Variants in IGF1R observed in about 807,000 individuals in gnomAD.
IGF1R encodes insulin-like growth factor 1 receptor.
A neutral mutation model predicts 144.6 loss-of-function variants in IGF1R; 44 were observed. That is an observed-to-expected ratio of 0.30 (90% CI 0.24 to 0.39). The LOEUF (loss-of-function observed/expected upper bound fraction) is 0.39, where lower values mean the gene tolerates loss of function less well. IGF1R is among the 10% of genes least tolerant of loss of function. The probability of loss-of-function intolerance (pLI) is 1.00; values close to 1 mark genes in which losing one functional copy is unlikely to be tolerated. For missense variants in IGF1R, 1,355 were observed against 1,833.7 expected (o/e 0.74, Z 4.77); for synonymous variants, 795 against 722.8 (o/e 1.10, Z -1.60).
At chr15:98,947,386 G>T (rs781117459) in intron 19 of IGF1R, among the ~76,000 whole-genome samples, 2 of 152,212 alleles carry the variant, frequency 1.3e-5, no homozygotes, top group East Asian at 3.8e-4. Context: ...AGAGCTCTTG[G>T]TTGGAAATCT....
chr15:98,721,065 T>C (rs939955337), intron 2 of IGF1R, among the ~76,000 whole-genome samples: 1 of 152,200 alleles, frequency 6.6e-6, no homozygotes, highest in African/African-American at 2.4e-5. Flanking sequence ...TTTCGGCATC[T>C]GGGTTTGGTG....
intron 2 of IGF1R, among the ~76,000 whole-genome samples, chr15:98,721,799 T>G (rs752386427): frequency 3.3e-5 from 5 of 152,016 alleles, no homozygotes; most frequent in Non-Finnish European, 7.4e-5. Context: ...CAGTAGAGTG[T>G]GAGAGTAAGT....
chr15:98,888,133 A>G (rs1199939264), intron 2 of IGF1R, among the ~76,000 whole-genome samples: 2 of 152,234 alleles, frequency 1.3e-5, no homozygotes, highest in South Asian at 4.1e-4. Context: ...CCAGAAGCCC[A>G]GGAAACACCA....
chr15:98,957,674 T>C lies in IGF1R; in HGVS notation c.*232T>C, dbSNP rs988271453. The C allele has an allele frequency of 1.8e-5, 11 of 597,548 alleles. No individual in the cohort carries two copies. The African/African-American group carries it at 2.0e-4, about 11-fold the overall frequency. 37.0% of individuals were successfully genotyped at this position (597,548 alleles called of 1,614,324 possible). On this transcript the variant is annotated 3_prime_UTR_variant, in exon 21 of 21. Transcript: ENST00000650285. ...TCCCTGCCCAAACCCTTAACTGACA[T>C]GGGCCTTTAAGAACCTTAATGACAA... is the stretch of plus-strand genomic sequence containing the variant.
At chr15:98,921,332 AC>A (rs2015476404) in intron 10 of IGF1R, among the ~76,000 whole-genome samples, 1 of 152,024 alleles carries the variant, frequency 6.6e-6, no homozygotes, top group Non-Finnish European at 1.5e-5. Flanking sequence ...AGAGGGTCGC[AC>A]CCTCATGCCT....
chr15:98,789,815 G>C (rs1463943842), intron 2 of IGF1R, among the ~76,000 whole-genome samples: 1 of 152,150 alleles, frequency 6.6e-6, no homozygotes, highest in Non-Finnish European at 1.5e-5. Flanking sequence ...CTCAGCTTTG[G>C]GGGCGAGTTA....
chr15:98,666,701 C>T (rs968668352), intron 1 of IGF1R, among the ~76,000 whole-genome samples: 5 of 151,584 alleles, frequency 3.3e-5, no homozygotes, highest in South Asian at 2.1e-4. Context: ...TTCATAGAGA[C>T]GGAAAGTAGA....
At chr15:98,671,843 C>G (rs1423253501) in intron 1 of IGF1R, among the ~76,000 whole-genome samples, 1 of 152,308 alleles carries the variant, frequency 6.6e-6, no homozygotes, top group East Asian at 1.9e-4. Flanking sequence ...TACTATTGAG[C>G]TCTGAAAAAC....
intron 2 of IGF1R, among the ~76,000 whole-genome samples, chr15:98,879,514 C>T (rs1398182224): frequency 6.6e-6 from 1 of 152,184 alleles, no homozygotes; most frequent in South Asian, 2.1e-4. Context: ...AGGGGAGGCA[C>T]ACGGGGGTGA....
intron 2 of IGF1R, among the ~76,000 whole-genome samples, chr15:98,821,888 T>C (rs2056809849): frequency 6.6e-6 from 1 of 152,220 alleles, no homozygotes; most frequent in Non-Finnish European, 1.5e-5. Context: ...CAGGCACATG[T>C]ATATTCATGA....
At chr15:98,680,501 C>T (rs1257565366) in intron 1 of IGF1R, among the ~76,000 whole-genome samples, 1 of 151,996 alleles carries the variant, frequency 6.6e-6, no homozygotes, top group African/African-American at 2.4e-5. Flanking sequence ...CTCCTGACCT[C>T]GTGATCCACC....
chr15:98,650,749 T>G, intron 1 of IGF1R: 2 of 307,450 alleles, frequency 6.5e-6, no homozygotes, highest in Non-Finnish European at 9.5e-6. Flanking sequence ...CTGGCCTTGG[T>G]TTTGTTGTGG....
chr15:98,787,247 G>A (rs1040764188), intron 2 of IGF1R, among the ~76,000 whole-genome samples: 7 of 152,158 alleles, frequency 4.6e-5, no homozygotes, highest in Admixed American at 2.0e-4. Context: ...GGCCTGCAGA[G>A]CAGAATAAAG....
At chr15:98,674,724 A>G (rs1391519894) in intron 1 of IGF1R, among the ~76,000 whole-genome samples, 4 of 152,206 alleles carry the variant, frequency 2.6e-5, no homozygotes, top group Admixed American at 1.3e-4. Flanking sequence ...GTCTCTCTAT[A>G]AAAGGAAAAT....
At chr15:98,939,873 C>T (rs1320003206) in intron 18 of IGF1R, among the ~76,000 whole-genome samples, 2 of 152,180 alleles carry the variant, frequency 1.3e-5, no homozygotes, top group African/African-American at 4.8e-5. Flanking sequence ...AGGTGAGGGA[C>T]GATCACTGCT....
intron 2 of IGF1R, among the ~76,000 whole-genome samples, chr15:98,871,905 T>C (rs1367174757): frequency 6.6e-6 from 1 of 152,206 alleles, no homozygotes; most frequent in African/African-American, 2.4e-5. Context: ...GCACATTGTA[T>C]TGGGAGTTTG....
At position 98,948,553 on chromosome 15, in the gene IGF1R, AC is replaced by A. The variant is rs1567217577; in HGVS notation, c.3588-20del. 1 of 1,613,156 alleles carries A rather than the reference AC, an allele frequency of 6.2e-7. No individual in the cohort carries two copies. Among genetic ancestry groups the A allele is most frequent in the Non-Finnish European group, 8.5e-7 (1 of 1,179,752 alleles). On this transcript the variant is annotated intron_variant, in intron 19 of 20. Coordinates refer to ENST00000650285, the MANE Select transcript of IGF1R (RefSeq NM_000875.5). ...CAGTCCATCCCTTTCCAAGCTCCTC[AC>A]AGTTTTTTTCTCCCTGTAGGTCCTT... is the stretch of plus-strand genomic sequence containing the variant.
chr15:98,746,707 G>C (rs931467840), intron 2 of IGF1R, among the ~76,000 whole-genome samples: 4 of 152,180 alleles, frequency 2.6e-5, no homozygotes, highest in Admixed American at 2.6e-4. Flanking sequence ...AAGGTCTGCT[G>C]ATTAAATTTC....
chr15:98,771,534 A>C (rs532582858), intron 2 of IGF1R, among the ~76,000 whole-genome samples: 1 of 152,180 alleles, frequency 6.6e-6, no homozygotes, highest in African/African-American at 2.4e-5. Flanking sequence ...ATTTATATAT[A>C]GTGAGACCCA....
Sources: gnomAD v4.1 joint callset for allele counts (sites outside exome capture counted in the v4.1 genomes callset) on GRCh38, gnomAD v4.1.1 for gene constraint, MANE v1.5 for transcripts, NCBI Gene and HGNC (gene_info 2026-07-23, HGNC 2026-07-21) for gene names.